CNTNAP5: variants seen among roughly 807,000 people sequenced by gnomAD.
CNTNAP5 encodes the protein contactin associated protein family member 5, also known as contactin-associated protein-like 5.
In CNTNAP5, 72 loss-of-function variants were observed where a neutral mutation model predicts 150.2. That is an observed-to-expected ratio of 0.48 (90% CI 0.40 to 0.58). The LOEUF is 0.58. Ranked by LOEUF, CNTNAP5 falls within the 20% of genes least tolerant of loss-of-function variation. The pLI, the probability that CNTNAP5 is intolerant of heterozygous loss-of-function variation, is 0.00. For synonymous variants in CNTNAP5, 672 were observed against 619.8 expected (o/e 1.08, Z -1.25); for missense variants, 1,636 against 1,626.2 (o/e 1.01, Z -0.10).
Position 124,918,742 on chromosome 2 carries a change from G to A in CNTNAP5, c.*4454G>A, listed in dbSNP as rs1484143755. Among the ~76,000 whole-genome samples, 1 of 152,012 alleles carries A rather than the reference G, an allele frequency of 6.6e-6. No homozygotes were observed. The highest frequency in any genetic ancestry group is 1.5e-5 in the Non-Finnish European group (1 of 67,990). The stretch of plus-strand genomic sequence containing the variant: ...GCCAGTCATTCTTCCTTAATGAAAA[G>A]GCTTGGACATACTTAGTCCTCAATT... On this transcript the variant is annotated 3_prime_UTR_variant, in exon 24 of 24. Coordinates refer to ENST00000682447, the MANE Select transcript of CNTNAP5 (RefSeq NM_001367498.1).
At chr2:124,769,285 G>A (rs1390405935) in intron 16 of CNTNAP5, among the ~76,000 whole-genome samples, 2 of 151,956 alleles carry the variant, frequency 1.3e-5, no homozygotes, top group Non-Finnish European at 2.9e-5. Context: ...CCCTAAACAT[G>A]CCCTTTCTTT....
At chr2:124,477,656 A>ATTTTTTTTTTTTTTTTTTTTTTTTTTTT in intron 7 of CNTNAP5, among the ~76,000 whole-genome samples, 1 of 127,480 alleles carries the variant, frequency 7.8e-6, no homozygotes, top group African/African-American at 2.8e-5. Context: ...TGCTCATGAC[A>ATTTTTTTTTTTTTTTTTTTTTTTTTTTT]TTTTTTTTTT....
At chr2:124,320,184 C>G (rs1176778646) in intron 3 of CNTNAP5, among the ~76,000 whole-genome samples, 1 of 152,094 alleles carries the variant, frequency 6.6e-6, no homozygotes, top group South Asian at 2.1e-4. Flanking sequence ...TATAGCCTAC[C>G]TTCCCTGCAG....
chr2:124,043,221 A>G (rs990568197), intron 1 of CNTNAP5, among the ~76,000 whole-genome samples: 3 of 152,156 alleles, frequency 2.0e-5, no homozygotes, highest in Non-Finnish European at 4.4e-5. Context: ...ATGTATATAG[A>G]TCACCACATT....
intron 12 of CNTNAP5, among the ~76,000 whole-genome samples, chr2:124,643,150 C>T (rs1407898194): frequency 6.6e-6 from 1 of 152,184 alleles, no homozygotes; most frequent in South Asian, 2.1e-4. Context: ...GGCCCTATTT[C>T]CTTTCCCAGC....
chr2:124,113,357 T>TA (rs1683344380), intron 1 of CNTNAP5, among the ~76,000 whole-genome samples: 2 of 152,158 alleles, frequency 1.3e-5, no homozygotes, highest in Admixed American at 6.6e-5. Context: ...AAGAAAACGT[T>TA]AAAAAATTCT....
chr2:124,629,390 A>G (rs1573508390), intron 12 of CNTNAP5, among the ~76,000 whole-genome samples: 1 of 152,320 alleles, frequency 6.6e-6, no homozygotes, highest in East Asian at 1.9e-4. Context: ...TTAAATTAGA[A>G]CTCAAGATTG....
intron 1 of CNTNAP5, among the ~76,000 whole-genome samples, chr2:124,178,108 AAGTGCTGGGATTAC>A (rs1327933567): frequency 6.6e-6 from 1 of 151,998 alleles, no homozygotes; most frequent in Non-Finnish European, 1.5e-5. Context: ...CGGCCTCCCA[AAGTGCTGGGATTAC>A]AGACCTGAGC....
chr2:124,632,208 G>T (rs909367542), intron 12 of CNTNAP5, among the ~76,000 whole-genome samples: 1 of 152,248 alleles, frequency 6.6e-6, no homozygotes, highest in Middle Eastern at 3.4e-3. Flanking sequence ...CTGGGTATAT[G>T]CCCAGTGGAA....
Position 124,747,705 on chromosome 2 carries a change from C to T in CNTNAP5, c.2234+320C>T, listed in dbSNP as rs780801402. 4.8e-5 allele frequency among the ~76,000 whole-genome samples: 7 copies of T among 146,796 alleles called. No individual in the cohort carries two copies. In the East Asian group the frequency reaches 9.9e-4, roughly 21 times the overall value. On this transcript the variant is annotated intron_variant, in intron 14 of 23. Transcript: ENST00000682447. ...CGCGATCTTGGCTCACTGCAACCTC[C>T]GCCTGCCAGGTTCAAGCAATTTTCC...
intron 3 of CNTNAP5, among the ~76,000 whole-genome samples, chr2:124,266,382 T>C (rs1687607928): frequency 6.6e-6 from 1 of 152,200 alleles, no homozygotes; most frequent in Admixed American, 6.5e-5. Flanking sequence ...TTTATGAATA[T>C]AGTATCAATT....
intron 13 of CNTNAP5, among the ~76,000 whole-genome samples, chr2:124,677,445 G>T (rs1212731991): frequency 2.0e-5 from 3 of 152,168 alleles, no homozygotes; most frequent in Non-Finnish European, 4.4e-5. Context: ...TGCTGGCTGG[G>T]GTGGCCAGCT....
rs1210003428 is a variant in CNTNAP5, at chr2:124,705,027, TG to T, written c.2078-42201del. 4.1e-5 allele frequency among the ~76,000 whole-genome samples: 6 copies of T among 146,852 alleles called. No individual in the cohort carries two copies. In the East Asian group the frequency reaches 1.2e-3, roughly 30 times the overall value. On this transcript the variant is annotated intron_variant, in intron 13 of 23. Transcript: ENST00000682447. ...AATCTCCCTCAGTGTCTCCTATTTT[TG>T]CTTTTTTTCTTAGTACTTTCCACTT... is the stretch of plus-strand genomic sequence containing the variant.
intron 12 of CNTNAP5, among the ~76,000 whole-genome samples, chr2:124,612,912 G>A (rs1401403064): frequency 6.6e-6 from 1 of 152,054 alleles, no homozygotes; most frequent in Non-Finnish European, 1.5e-5. Flanking sequence ...AATTAGCCAG[G>A]TATTGTGGTG....
chr2:124,268,584 C>G (rs928360407), intron 3 of CNTNAP5, among the ~76,000 whole-genome samples: 6 of 152,216 alleles, frequency 3.9e-5, no homozygotes, highest in African/African-American at 1.2e-4. Context: ...TTTGTGTTCT[C>G]TACTCCTTTG....
At chr2:124,657,054 T>G (rs1678474822) in intron 13 of CNTNAP5, among the ~76,000 whole-genome samples, 1 of 152,218 alleles carries the variant, frequency 6.6e-6, no homozygotes, top group South Asian at 2.1e-4. Flanking sequence ...TTAGCCAGTA[T>G]TTTATCACAT....
At chr2:124,542,350 G>C (rs1414673438) in intron 10 of CNTNAP5, among the ~76,000 whole-genome samples, 1 of 150,752 alleles carries the variant, frequency 6.6e-6, no homozygotes, top group Non-Finnish European at 1.5e-5. Context: ...AAGAGCAAGA[G>C]AGCTAGATAA....
At chr2:124,661,626 A>G (rs953364349) in intron 13 of CNTNAP5, among the ~76,000 whole-genome samples, 1 of 152,074 alleles carries the variant, frequency 6.6e-6, no homozygotes, top group Non-Finnish European at 1.5e-5. Flanking sequence ...TAGTATAATA[A>G]ATGCATAAAC....
In CNTNAP5 at chr2:124,747,301, G is replaced by A. The variant is rs377144392; in HGVS notation, c.2150G>A (p.Gly717Glu). 1.9e-6 allele frequency: 3 copies of A among 1,613,802 alleles called. No homozygotes were observed. The highest frequency in any genetic ancestry group is 2.5e-6 in the Non-Finnish European group (3 of 1,179,772). The change falls in exon 14 of 24, where the codon GGG (glycine) becomes GAG (glutamate). Residue 717 changes from glycine (G) to glutamate (E), a missense_variant. By Grantham distance (98) the Gly-to-Glu change is moderately conservative. Transcript: ENST00000682447. ...CCTTACTGGGGAGGTTCCCCTCCTGGGGTCCAGCAGTGTGAGTGTGGCCTA... is the reference window on the plus strand; with the variant it reads ...CCTTACTGGGGAGGTTCCCCTCCTGAGGTCCAGCAGTGTGAGTGTGGCCTA... ...RHPYWGGSPP[G>E]VQQCECGLDE...
Sources: gnomAD v4.1 joint callset for allele counts (sites outside exome capture counted in the v4.1 genomes callset) on GRCh38, gnomAD v4.1.1 for gene constraint, MANE v1.5 for transcripts, NCBI Gene and HGNC (gene_info 2026-07-23, HGNC 2026-07-21) for gene names.